The following PTH2R variants were observed in gnomAD, a reference collection of about 807,000 sequenced individuals.
The protein encoded by PTH2R is PTH2 receptor.
A neutral mutation model predicts 60.3 loss-of-function variants in PTH2R; 59 were observed. The observed-to-expected ratio is 0.98, with a 90% CI of 0.79 to 1.22. PTH2R has a LOEUF of 1.22. Among genes scored for constraint, PTH2R ranks in the 50% most tolerant of loss-of-function variants. The pLI is 0.00. For synonymous variants in PTH2R, 256 were observed against 243.8 expected, an observed-to-expected ratio of 1.05 and a Z score of -0.47; for missense variants, 749 against 682.6, an observed-to-expected ratio of 1.10 and a Z score of -1.08.
intron 6 of PTH2R, among the ~76,000 whole-genome samples, chr2:208,443,943 A>C (rs1453676199): frequency 6.6e-6 from 1 of 152,196 alleles, no homozygotes; most frequent in Non-Finnish European, 1.5e-5. Flanking sequence ...TCCAATATAA[A>C]ATTTTATGTT....
intron 1 of PTH2R, among the ~76,000 whole-genome samples, chr2:208,421,348 G>C (rs1412398127): frequency 6.6e-6 from 1 of 151,400 alleles, no homozygotes; most frequent in East Asian, 1.9e-4. Flanking sequence ...AAGAAGCCAA[G>C]ACATTTTCAT....
At chr2:208,492,938 G>A (rs935364741) in intron 12 of PTH2R, among the ~76,000 whole-genome samples, 5 of 152,124 alleles carry the variant, frequency 3.3e-5, no homozygotes, top group Non-Finnish European at 5.9e-5. Flanking sequence ...TTTATCTTGA[G>A]TTTCTCTTCC....
chr2:208,430,957 T>C (rs543861580), intron 2 of PTH2R, among the ~76,000 whole-genome samples: 1 of 152,172 alleles, frequency 6.6e-6, no homozygotes, highest in Non-Finnish European at 1.5e-5. Context: ...CCTGAATCTG[T>C]ACATCTGTAT....
chr2:208,438,190 G>T (rs371104056), intron 4 of PTH2R, among the ~76,000 whole-genome samples: 1 of 152,126 alleles, frequency 6.6e-6, no homozygotes, highest in African/African-American at 2.4e-5. Context: ...AATCCCAATA[G>T]GTGGTTAGTA....
At position 208,360,340 on chromosome 2, in the gene PTH2R, C is replaced by T. The variant is rs989426120; in HGVS notation, c.-259+103C>T. ...CTTTCGCCACACCCGGAGCGGCGGC[C>T]TCCCCGAGCCCCTCGGGGCCCCTTC... On this transcript the variant is annotated intron_variant, in intron 1 of 12. Coordinates refer to the PTH2R transcript ENST00000617735. 20 of 313,832 alleles carry T rather than the reference C, an allele frequency of 6.4e-5. No individual in the cohort carries two copies. The East Asian group carries it at 1.6e-3, about 25-fold the overall frequency. The allele number at this position is 313,832 out of a possible 1,614,324, so 19.4% of individuals were successfully genotyped here.
intron 9 of PTH2R, chr2:208,469,818 C>T (rs1475920883): frequency 1.3e-5 from 2 of 152,060 alleles, no homozygotes; most frequent in Non-Finnish European, 2.9e-5. Context: ...GAAATATTTC[C>T]TAATTAACAA....
chr2:208,454,112 A>C (rs1702462555), intron 8 of PTH2R, among the ~76,000 whole-genome samples: 1 of 152,048 alleles, frequency 6.6e-6, no homozygotes. Context: ...AGAGCCCCCC[A>C]GTTGTCTGTG....
At chr2:208,360,175 T>C in exon 1 of PTH2R, 1 of 455,032 alleles carries the variant, frequency 2.2e-6, no homozygotes, top group Non-Finnish European at 4.4e-6. Context: ...TTTTCTTTTC[T>C]CTTCTTTTTC....
At chr2:208,450,351 C>T (rs1311227581) in intron 7 of PTH2R, among the ~76,000 whole-genome samples, 1 of 152,174 alleles carries the variant, frequency 6.6e-6, no homozygotes, top group Non-Finnish European at 1.5e-5. Flanking sequence ...ACAACAGCAT[C>T]CCTCAGCTTT....
chr2:208,377,519 A>G (rs1355226586), intron 1 of PTH2R, among the ~76,000 whole-genome samples: 1 of 147,124 alleles, frequency 6.8e-6, no homozygotes, highest in African/African-American at 2.6e-5. Flanking sequence ...CCTCCCTCCC[A>G]GACGGGGCGG....
Position 208,437,753 on chromosome 2 carries a change from T to C in PTH2R, c.290-7T>C. On this transcript the variant is annotated splice_polypyrimidine_tract_variant and splice_region_variant and intron_variant, in intron 3 of 12. Transcript: ENST00000272847. The stretch of plus-strand genomic sequence containing the variant: ...GAGCGATCTCAGCATCTTTCATGTC[T>C]TTACAGGAGTTGCTTTCCGACACTG... 1.2e-6 allele frequency: 2 copies of C among 1,611,870 alleles called. No homozygotes were observed. Among genetic ancestry groups the C allele is most frequent in the East Asian group, 2.2e-5 (1 of 44,808 alleles).
chr2:208,477,324 G>C (rs1703027185), intron 9 of PTH2R, among the ~76,000 whole-genome samples: 1 of 152,158 alleles, frequency 6.6e-6, no homozygotes, highest in Admixed American at 6.5e-5. Context: ...AATGAGTGGA[G>C]AGAGTAAACG....
chr2:208,477,818 A>G (rs748916479), intron 9 of PTH2R, among the ~76,000 whole-genome samples: 4 of 151,514 alleles, frequency 2.6e-5, no homozygotes, highest in Non-Finnish European at 5.9e-5. Flanking sequence ...TGAAGTTTAC[A>G]TGAAATACAC....
At chr2:208,438,801 AAGT>A (rs1193714151) in intron 4 of PTH2R, among the ~76,000 whole-genome samples, 1 of 152,106 alleles carries the variant, frequency 6.6e-6, no homozygotes, top group East Asian at 1.9e-4. Flanking sequence ...GCAGCAAGAG[AAGT>A]AGTGAGTTGA....
At chr2:208,374,016 G>A (rs1225703250) in intron 1 of PTH2R, among the ~76,000 whole-genome samples, 4 of 151,700 alleles carry the variant, frequency 2.6e-5, no homozygotes, top group Non-Finnish European at 1.5e-5. Flanking sequence ...AAGGCTGTTT[G>A]TAAAAATAAG....
At chr2:208,384,959 CTTAGAA>C (rs1423266505) in intron 1 of PTH2R, among the ~76,000 whole-genome samples, 7 of 152,154 alleles carry the variant, frequency 4.6e-5, no homozygotes, top group Non-Finnish European at 8.8e-5. Context: ...TGTTTCAATG[CTTAGAA>C]TTAGAATAAA....
At chr2:208,430,739 A>AT (rs923235028) in intron 2 of PTH2R, among the ~76,000 whole-genome samples, 16 of 151,132 alleles carry the variant, frequency 1.1e-4, no homozygotes, top group Admixed American at 7.3e-4. Context: ...TGTTTTTTGT[A>AT]TTTTTTTAGT....
intron 1 of PTH2R, among the ~76,000 whole-genome samples, chr2:208,392,284 T>C (rs1488150419): frequency 6.6e-6 from 1 of 152,102 alleles, no homozygotes; most frequent in East Asian, 1.9e-4. Flanking sequence ...GCACTCCTAA[T>C]ATTGGGGTGT....
intron 1 of PTH2R, among the ~76,000 whole-genome samples, chr2:208,391,510 T>C (rs1458303439): frequency 6.6e-6 from 1 of 152,228 alleles, no homozygotes; most frequent in Non-Finnish European, 1.5e-5. Context: ...ACAGGAAGGC[T>C]GAGAGCTGCT....
Sources: gnomAD v4.1 joint callset for allele counts (sites outside exome capture counted in the v4.1 genomes callset) on GRCh38, gnomAD v4.1.1 for gene constraint, MANE v1.5 for transcripts, NCBI Gene and HGNC (gene_info 2026-07-23, HGNC 2026-07-21) for gene names.